STK32B: variants seen among roughly 807,000 people sequenced by gnomAD.
The protein encoded by STK32B is serine/threonine kinase 32B.
STK32B carries 43 observed loss-of-function variants against 52.6 expected under a neutral mutation model. The ratio of observed to expected loss-of-function variants is 0.82; its 90% CI spans 0.64 to 1.05. The LOEUF (loss-of-function observed/expected upper bound fraction) is 1.05. Among genes scored for constraint, STK32B ranks in the 50% least tolerant of loss-of-function variants. STK32B has a pLI of 0.00. For missense variants in STK32B, 621 were observed against 534.6 expected, an observed-to-expected ratio of 1.16 and a Z score of -1.59; for synonymous variants, 238 against 204.3, an observed-to-expected ratio of 1.17 and a Z score of -1.41.
chr4:5,484,770 T>C (rs1351802178), intron 11 of STK32B, among the ~76,000 whole-genome samples: 1 of 152,254 alleles, frequency 6.6e-6, no homozygotes, highest in Non-Finnish European at 1.5e-5. Context: ...AGGAGCTCTT[T>C]TAGGGCAGGC....
chr4:5,145,040 C>T (rs1434672374), intron 2 of STK32B, among the ~76,000 whole-genome samples: 1 of 152,124 alleles, frequency 6.6e-6, no homozygotes, highest in East Asian at 1.9e-4. Flanking sequence ...TGGAGGATGC[C>T]TAATTCAAAC....
chr4:5,411,184 C>T (rs867258412), intron 5 of STK32B, among the ~76,000 whole-genome samples: 8 of 152,076 alleles, frequency 5.3e-5, no homozygotes, highest in South Asian at 4.1e-4. Flanking sequence ...TACAGGTGCC[C>T]GCCACCATGC....
chr4:5,355,474 G>C (rs1179841570), intron 4 of STK32B, among the ~76,000 whole-genome samples: 1 of 151,934 alleles, frequency 6.6e-6, no homozygotes, highest in African/African-American at 2.4e-5. Context: ...GCTTTTATTT[G>C]TTCTATCCAC....
At chr4:5,024,047 C>T in the STK32B span, among the ~76,000 whole-genome samples, 6 of 152,302 alleles carry the variant, frequency 3.9e-5, no homozygotes, top group Non-Finnish European at 8.8e-5. Flanking sequence ...GAATCTGGAG[C>T]TCAGGAATGG....
chr4:5,096,508 C>T (rs1713401266), intron 1 of STK32B, among the ~76,000 whole-genome samples: 1 of 131,428 alleles, frequency 7.6e-6, no homozygotes, highest in Non-Finnish European at 1.8e-5. Flanking sequence ...GGTCACCACA[C>T]ACATCCTCTC....
chr4:5,490,072 A>G (rs1577056364), intron 11 of STK32B, among the ~76,000 whole-genome samples: 1 of 151,776 alleles, frequency 6.6e-6, no homozygotes, highest in African/African-American at 2.4e-5. Context: ...AAATGAGATA[A>G]GGCTAAATTT....
At chr4:5,178,305 C>T (rs904784624) in intron 3 of STK32B, among the ~76,000 whole-genome samples, 1 of 152,222 alleles carries the variant, frequency 6.6e-6, no homozygotes, top group African/African-American at 2.4e-5. Context: ...TGAACTTTGG[C>T]CTTTCTTAGC....
chr4:5,400,243 G>C lies in STK32B; in HGVS notation c.472+1999G>C, dbSNP rs1275683039. ...ATATAGGCAGGCGGGCTGCTCCCAGGCAGCCTCCCCTAGGTTTTCTCTTTC... is the reference window on the plus strand; with the variant it reads ...ATATAGGCAGGCGGGCTGCTCCCAGCCAGCCTCCCCTAGGTTTTCTCTTTC... On this transcript the variant is annotated intron_variant, in intron 5 of 11. Coordinates refer to ENST00000282908, the MANE Select transcript of STK32B (RefSeq NM_018401.3). The surrounding 1 kb of genome is among the most constrained non-coding windows in gnomAD (Gnocchi z 6.1). 2.6e-5 allele frequency among the ~76,000 whole-genome samples: 4 copies of C among 152,172 alleles called. No homozygotes were observed. The highest frequency in any genetic ancestry group is 9.7e-5 in the African/African-American group (4 of 41,446).
intron 6 of STK32B, among the ~76,000 whole-genome samples, chr4:5,429,440 A>C (rs576377316): frequency 6.6e-6 from 1 of 151,854 alleles, no homozygotes; most frequent in African/African-American, 2.4e-5. Context: ...CTTAGTTTTT[A>C]TACCTCTTTA....
Position 5,051,639 on chromosome 4 carries a change from A to G in STK32B, c.-225A>G, listed in dbSNP as rs1190874917. 1.9e-6 allele frequency: 1 copy of G among 534,662 alleles called. No homozygotes were observed. Among genetic ancestry groups the G allele is most frequent in the Admixed American group, 4.4e-5 (1 of 22,840 alleles). 33.1% of individuals were successfully genotyped at this position (534,662 alleles called of 1,614,324 possible). ...CGCAGCCCGAGGCGGGGCACGGCGG[A>G]AGGCGCGGCGAGAGCGGGGTCCCTG... On this transcript the variant is annotated 5_prime_UTR_variant, in exon 1 of 12. Coordinates refer to ENST00000282908, the MANE Select transcript of STK32B (RefSeq NM_018401.3).
At chr4:5,423,187 A>G (rs1712790649) in intron 6 of STK32B, among the ~76,000 whole-genome samples, 1 of 152,164 alleles carries the variant, frequency 6.6e-6, no homozygotes, top group Non-Finnish European at 1.5e-5. Flanking sequence ...GATGAGTAAC[A>G]GGAAAGCATT....
chr4:5,228,408 A>G (rs919038421), intron 3 of STK32B, among the ~76,000 whole-genome samples: 3 of 152,222 alleles, frequency 2.0e-5, no homozygotes, highest in Non-Finnish European at 2.9e-5. Context: ...GGACACCCAC[A>G]TAAGGCTTCA....
intron 4 of STK32B, among the ~76,000 whole-genome samples, chr4:5,341,864 A>G (rs924476839): frequency 5.9e-5 from 9 of 152,240 alleles, no homozygotes; most frequent in Non-Finnish European, 1.2e-4. Flanking sequence ...TTTTAAAAAT[A>G]CTTTAAATTC....
intron 3 of STK32B, among the ~76,000 whole-genome samples, chr4:5,246,393 G>A (rs1459038144): frequency 2.0e-5 from 3 of 152,140 alleles, no homozygotes; most frequent in Admixed American, 6.5e-5. Flanking sequence ...CATTTGTCAC[G>A]TAGTTCTTGT....
rs1714417585 is a variant in STK32B at position 5,438,971 on chromosome 4, A to T, written c.563-7702A>T. Among the ~76,000 whole-genome samples the T allele has an allele frequency of 2.6e-5, 4 of 151,752 alleles. No individual in the cohort carries two copies. In the South Asian group the frequency reaches 8.4e-4, roughly 32 times the overall value. Reference sequence around the variant, plus strand: ...GGCTGCATAGTATTCCATGGTGTGTATGTGCCACATTTTCTTAATCCAGTC... The same window carrying T: ...GGCTGCATAGTATTCCATGGTGTGTTTGTGCCACATTTTCTTAATCCAGTC... On this transcript the variant is annotated intron_variant, in intron 6 of 11. Coordinates refer to ENST00000282908, the MANE Select transcript of STK32B (RefSeq NM_018401.3).
intron 3 of STK32B, among the ~76,000 whole-genome samples, chr4:5,306,428 G>C (rs1246431099): frequency 1.3e-5 from 2 of 152,272 alleles, no homozygotes; most frequent in East Asian, 3.9e-4. Flanking sequence ...ATATTTTTCT[G>C]TTGGACTGGT....
At chr4:5,295,155 G>A (rs972460272) in intron 3 of STK32B, among the ~76,000 whole-genome samples, 4 of 152,266 alleles carry the variant, frequency 2.6e-5, no homozygotes, top group South Asian at 2.1e-4. Context: ...GCTTTTTGAT[G>A]TGCTGCTGGA....
chr4:5,360,787 CAA>C (rs1734494140), intron 4 of STK32B, among the ~76,000 whole-genome samples: 2 of 152,094 alleles, frequency 1.3e-5, no homozygotes, highest in African/African-American at 4.8e-5. Context: ...GCCTGGGCAA[CAA>C]GAGCAAAACT....
chr4:5,142,603 A>G (rs1390217078), intron 2 of STK32B, among the ~76,000 whole-genome samples: 1 of 152,232 alleles, frequency 6.6e-6, no homozygotes, highest in African/African-American at 2.4e-5. Context: ...TCACTGGGCC[A>G]CTGAAGGGGC....
Sources: gnomAD v4.1 joint callset for allele counts (sites outside exome capture counted in the v4.1 genomes callset) on GRCh38, gnomAD v4.1.1 for gene constraint, Gnocchi (gnomAD v3.1) non-coding constraint, MANE v1.5 for transcripts, NCBI Gene and HGNC (gene_info 2026-07-23, HGNC 2026-07-21) for gene names.